Variants in DFFB observed in about 807,000 individuals in gnomAD.
DFFB encodes DNA fragmentation factor subunit beta.
A neutral mutation model predicts 32.7 loss-of-function variants in DFFB; 29 were observed. The observed-to-expected ratio is 0.89, with a 90% CI of 0.66 to 1.21. The LOEUF (loss-of-function observed/expected upper bound fraction) is 1.21, where lower values mean the gene tolerates loss of function less well. DFFB is among the 50% of genes most tolerant of loss of function. The pLI is 0.00. For missense variants in DFFB, 398 were observed against 440.6 expected (o/e 0.90, Z 0.87); for synonymous variants, 170 against 177.1 (o/e 0.96, Z 0.32).
At chr1:3,882,209 T>A (rs1205660879) in intron 6 of DFFB, among the ~76,000 whole-genome samples, 1 of 148,592 alleles carries the variant, frequency 6.7e-6, no homozygotes, top group Non-Finnish European at 1.5e-5. Context: ...TGCGCCACTA[T>A]GCCTGGCTAA....
intron 2 of DFFB, among the ~76,000 whole-genome samples, chr1:3,864,801 G>A (rs1238157084): frequency 4.6e-5 from 7 of 151,818 alleles, no homozygotes; most frequent in East Asian, 1.9e-4. Flanking sequence ...CTCCCACCTC[G>A]GTCTCTGAAA....
In DFFB at chr1:3,883,710, A is replaced by C; in HGVS notation, c.986A>C (p.Lys329Thr). The C allele has an allele frequency of 6.2e-7, 1 of 1,614,186 alleles. No individual in the cohort carries two copies. The highest frequency in any genetic ancestry group is 8.5e-7 in the Non-Finnish European group (1 of 1,180,034). ...ATCTACAAACCCCAGACAAGGTTGA[A>C]GCGGAAGCAGCCTGTGCGGAAACGC... ...SRIYKPQTRL[K>T]RKQPVRKRQ is the part of the protein sequence containing the mutation. The change falls in exon 7 of 7, where the codon AAG becomes ACG. Residue 329 changes from lysine to threonine, a missense_variant. Physicochemically the swap from Lys to Thr is moderately conservative, Grantham distance 78. Coordinates refer to ENST00000378209, the MANE Select transcript of DFFB (RefSeq NM_004402.4).
At chr1:3,873,953 T>C (rs1367049422) in intron 6 of DFFB, among the ~76,000 whole-genome samples, 2 of 152,170 alleles carry the variant, frequency 1.3e-5, no homozygotes, top group Non-Finnish European at 2.9e-5. Context: ...AACACTATGG[T>C]CATAGTTGAG....
Position 3,865,570 on chromosome 1 carries a change from T to C in DFFB, c.242-242T>C. On this transcript the variant is annotated intron_variant, in intron 2 of 6. Transcript: ENST00000378209. This position sits in a 1 kb window ranked among gnomAD's most constrained non-coding sequence, Gnocchi z 4.7. ...GAAAGCGGCCGTCTCTTGGTGCGCT[T>C]TCATCTGTCCTCTAAAGCACACCCT... is the stretch of plus-strand genomic sequence containing the variant. The C allele has an allele frequency of 6.4e-6, 4 of 629,340 alleles. No homozygotes were observed. The highest frequency in any genetic ancestry group is 8.6e-6 in the Non-Finnish European group (3 of 349,272). 39.0% of individuals were successfully genotyped at this position (629,340 alleles called of 1,614,324 possible). A position where few individuals can be genotyped will look rare whatever the true frequency, so the allele number is the denominator to read the frequency against.
At chr1:3,860,030 C>G (rs1644849038) in intron 2 of DFFB, among the ~76,000 whole-genome samples, 1 of 152,068 alleles carries the variant, frequency 6.6e-6, no homozygotes, top group Non-Finnish European at 1.5e-5. Context: ...GCGCTTTATC[C>G]TCCTCTCTTC....
At chr1:3,880,731 G>T (rs576437969) in intron 6 of DFFB, among the ~76,000 whole-genome samples, 1 of 151,994 alleles carries the variant, frequency 6.6e-6, no homozygotes, top group South Asian at 2.1e-4. Flanking sequence ...CCCGGAGCTC[G>T]CTTGGGCCTG....
chr1:3,868,588 C>T (rs1057482319), intron 4 of DFFB, among the ~76,000 whole-genome samples: 1 of 151,130 alleles, frequency 6.6e-6, no homozygotes, highest in South Asian at 2.1e-4. Context: ...TGACATGCCA[C>T]GCTACACCAT....
At chr1:3,879,924 T>G (rs1402343149) in intron 6 of DFFB, among the ~76,000 whole-genome samples, 1 of 152,230 alleles carries the variant, frequency 6.6e-6, no homozygotes, top group African/African-American at 2.4e-5. Flanking sequence ...TTAAGCATAT[T>G]TGTTTTACAG....
At chr1:3,872,361 C>T (rs12085494) in intron 5 of DFFB, 111 bp from the exon 6 acceptor site, 13,094 of 740,640 alleles carry the variant, frequency 0.018, 619 homozygotes, top group East Asian at 0.14. Flanking sequence ...TGTAGTAAGC[C>T]GAGATCGGGC....
chr1:3,872,645 C>CCGCGGCCCTGTCCCTGA, intron 6 of DFFB, 73 bp downstream of exon 6: 3 of 1,350,058 alleles, frequency 2.2e-6, no homozygotes, highest in Non-Finnish European at 3.2e-6. Flanking sequence ...CCTGTCCCTG[C>CCGCGGCCCTGTCCCTGA]CATGGCCCTG....
Position 3,857,571 on chromosome 1 carries a change from C to T in DFFB, c.-33C>T, listed in dbSNP as rs1644768426. The T allele has an allele frequency of 6.8e-7, 1 of 1,479,330 alleles. No individual in the cohort carries two copies. Among genetic ancestry groups the T allele is most frequent in the African/African-American group, 1.4e-5 (1 of 70,260 alleles). 91.6% of individuals were successfully genotyped at this position (1,479,330 alleles called of 1,614,324 possible). A position where few individuals can be genotyped will look rare whatever the true frequency, so the allele number is the denominator to read the frequency against. The stretch of plus-strand genomic sequence containing the variant: ...GCAGCTGGGCAGCAGGTGCCACCGC[C>T]TGTGGGACCCAGAGGGCTTGAGGAC... On this transcript the variant is annotated 5_prime_UTR_variant, in exon 1 of 7. Transcript: ENST00000378209.
chr1:3,862,176 T>G (rs1644891280), intron 2 of DFFB, among the ~76,000 whole-genome samples: 1 of 152,262 alleles, frequency 6.6e-6, no homozygotes, highest in Non-Finnish European at 1.5e-5. Context: ...GTAATACTTA[T>G]ATTCTGAAAA....
intron 3 of DFFB, among the ~76,000 whole-genome samples, chr1:3,866,653 C>T (rs1426933418): frequency 6.6e-6 from 1 of 152,166 alleles, no homozygotes; most frequent in Non-Finnish European, 1.5e-5. Context: ...TGTATGCGGC[C>T]ATCCCCACCG....
chr1:3,872,755 A>G (rs34725762), intron 6 of DFFB, among the ~76,000 whole-genome samples, 183 bp downstream of exon 6: 22,682 of 152,114 alleles, frequency 0.15, 1,686 homozygotes, highest in South Asian at 0.17. Flanking sequence ...ATGGCAGCAT[A>G]GGGGGCTGCT....
chr1:3,869,254 T>G (rs2124745738), intron 4 of DFFB, among the ~76,000 whole-genome samples: 1 of 152,322 alleles, frequency 6.6e-6, no homozygotes, highest in African/African-American at 2.4e-5. Context: ...AGAAATGGGG[T>G]TTCACCATGT....
intron 6 of DFFB, among the ~76,000 whole-genome samples, chr1:3,877,883 C>T (rs1013416743): frequency 1.3e-5 from 2 of 152,038 alleles, no homozygotes; most frequent in Non-Finnish European, 2.9e-5. Flanking sequence ...GGCTTTCTCT[C>T]GGTCCTGTGG....
intron 6 of DFFB, among the ~76,000 whole-genome samples, chr1:3,882,705 G>A (rs1193946114): frequency 2.0e-5 from 3 of 152,034 alleles, no homozygotes; most frequent in Non-Finnish European, 2.9e-5. Flanking sequence ...TGCATATAAC[G>A]GTATAAGATT....
At chr1:3,880,081 C>G (rs6666303) in intron 6 of DFFB, among the ~76,000 whole-genome samples, 27,291 of 152,052 alleles carry the variant, frequency 0.18, 2,494 homozygotes, top group African/African-American at 0.21. Flanking sequence ...AGTTTAATGG[C>G]GTGATTTAGG....
chr1:3,857,736 G>A lies in DFFB; in HGVS notation c.114+19G>A, dbSNP rs1485697225. 2 of 1,463,104 alleles carry A rather than the reference G, an allele frequency of 1.4e-6. No individual in the cohort carries two copies. The highest frequency in any genetic ancestry group is 1.8e-6 in the Non-Finnish European group (2 of 1,099,788). 90.6% of individuals were successfully genotyped at this position (1,463,104 alleles called of 1,614,324 possible). A position where few individuals can be genotyped will look rare whatever the true frequency, so the allele number is the denominator to read the frequency against. ...CTTCCAGGTGCCCGCTGGGCTAGGC[G>A]GGGACGGCCCGTCGGGGAGGCGTGT... On this transcript the variant is annotated intron_variant, in intron 1 of 6. Transcript: ENST00000378209.
Sources: allele counts gnomAD v4.1 joint callset (sites outside exome capture counted in the v4.1 genomes callset), GRCh38; gene constraint gnomAD v4.1.1; non-coding constraint Gnocchi (gnomAD v3.1); transcripts MANE v1.5; gene names NCBI Gene and HGNC (gene_info 2026-07-23, HGNC 2026-07-21).